The following GLIS3 variants were observed in gnomAD, a reference collection of about 807,000 sequenced individuals.
The protein encoded by GLIS3 is GLIS family zinc finger 3.
GLIS3 carries 53 observed loss-of-function variants against 78.6 expected under a neutral mutation model. The observed-to-expected ratio is 0.67, with a 90% CI of 0.54 to 0.85. GLIS3 has a LOEUF of 0.85. Among genes scored for constraint, GLIS3 ranks in the 40% least tolerant of loss-of-function variants. GLIS3 has a pLI of 0.00. For missense variants in GLIS3, 1,703 were observed against 1,231.1 expected (o/e 1.38, Z -5.74); for synonymous variants, 684 against 509.9 (o/e 1.34, Z -4.60).
At chr9:4,246,868 T>C (rs1229393295) in intron 2 of GLIS3, among the ~76,000 whole-genome samples, 1 of 152,352 alleles carries the variant, frequency 6.6e-6, no homozygotes, top group Admixed American at 6.5e-5. Context: ...TAATGAATAT[T>C]GTCCAATGAG....
Position 4,186,245 on chromosome 9 carries a change from A to G in GLIS3, c.389-60304T>C, listed in dbSNP as rs575491517. Reference sequence around the variant, plus strand: ...TTCTCACCTATGAGTGAGAACATGCAGTGTTTGGCCTTTTGTCCTTGCGAT... The same window carrying G: ...TTCTCACCTATGAGTGAGAACATGCGGTGTTTGGCCTTTTGTCCTTGCGAT... On this transcript the variant is annotated intron_variant, in intron 2 of 10. Transcript: ENST00000381971. Among the ~76,000 whole-genome samples, 16 of 150,224 alleles carry G rather than the reference A, an allele frequency of 1.1e-4. No individual in the cohort carries two copies. In the East Asian group the frequency reaches 2.0e-3, roughly 19 times the overall value.
intron 4 of GLIS3, among the ~76,000 whole-genome samples, chr9:3,984,165 C>A (rs1819537043): frequency 6.6e-6 from 1 of 152,220 alleles, no homozygotes; most frequent in Non-Finnish European, 1.5e-5. Flanking sequence ...CCTAGGGCAC[C>A]ACTTAGCAGA....
At chr9:4,243,036 C>A (rs1000153303) in intron 2 of GLIS3, among the ~76,000 whole-genome samples, 2 of 152,146 alleles carry the variant, frequency 1.3e-5, no homozygotes, top group Non-Finnish European at 2.9e-5. Context: ...TCCAGATATT[C>A]TACCATGATT....
At chr9:3,872,969 CCAAA>C (rs1246336268) in intron 8 of GLIS3, among the ~76,000 whole-genome samples, 1 of 151,800 alleles carries the variant, frequency 6.6e-6, no homozygotes, top group Non-Finnish European at 1.5e-5. Context: ...AAAGAAGCAA[CCAAA>C]CAAAAAGCTG....
chr9:4,258,456 AG>A (rs1461902712), intron 2 of GLIS3, among the ~76,000 whole-genome samples: 3 of 152,212 alleles, frequency 2.0e-5, no homozygotes, highest in African/African-American at 4.8e-5. Context: ...CTGGCCTGCT[AG>A]GAAGTGTTGG....
the GLIS3 span, among the ~76,000 whole-genome samples, chr9:4,383,140 C>A: frequency 1.5e-3 from 230 of 152,332 alleles, no homozygotes; most frequent in African/African-American, 5.2e-3. Flanking sequence ...AAAGCAAGAA[C>A]TGAAACGAGT....
the GLIS3 span, among the ~76,000 whole-genome samples, chr9:4,434,589 T>C: frequency 6.6e-6 from 1 of 152,024 alleles, no homozygotes; most frequent in Non-Finnish European, 1.5e-5. Context: ...GGGTGATAGG[T>C]GGGTGAGTGG....
At chr9:4,166,801 A>G (rs971554135) in intron 2 of GLIS3, among the ~76,000 whole-genome samples, 1 of 152,256 alleles carries the variant, frequency 6.6e-6, no homozygotes, top group Non-Finnish European at 1.5e-5. Context: ...GGACTCAAGA[A>G]TCACCTAAGG....
chr9:3,846,844 C>T (rs139104568), intron 9 of GLIS3, among the ~76,000 whole-genome samples: 1 of 152,234 alleles, frequency 6.6e-6, no homozygotes, highest in Non-Finnish European at 1.5e-5. Context: ...CATCCTATTT[C>T]CTCTGGGAAG....
chr9:3,983,022 C>A (rs962689086), intron 4 of GLIS3, among the ~76,000 whole-genome samples: 3 of 152,206 alleles, frequency 2.0e-5, no homozygotes, highest in African/African-American at 4.8e-5. Context: ...ATTTCCTGCA[C>A]ATGGAGCTTG....
At chr9:4,052,568 T>C (rs553192934) in intron 4 of GLIS3, among the ~76,000 whole-genome samples, 1 of 152,322 alleles carries the variant, frequency 6.6e-6, no homozygotes, top group African/African-American at 2.4e-5. Context: ...GGACATGTCG[T>C]AGAAACTGAA....
At chr9:4,397,539 G>A in the GLIS3 span, among the ~76,000 whole-genome samples, 1 of 151,614 alleles carries the variant, frequency 6.6e-6, no homozygotes, top group Admixed American at 6.6e-5. Context: ...AACCAAGCAA[G>A]GGACTTCAAG....
chr9:4,089,132 T>C, intron 4 of GLIS3, among the ~76,000 whole-genome samples: 1 of 152,242 alleles, frequency 6.6e-6, no homozygotes, highest in East Asian at 1.9e-4. Context: ...GGCCTAGTTT[T>C]TTATGTTTCT....
At position 3,958,013 on chromosome 9, in the gene GLIS3, T is replaced by C. The variant is rs532534192; in HGVS notation, c.1711-20824A>G. Among the ~76,000 whole-genome samples the C allele has an allele frequency of 1.7e-4, 26 of 152,330 alleles. 3 individuals are homozygous for C. The highest frequency in any genetic ancestry group is 6.0e-4 in the African/African-American group (25 of 41,564). On this transcript the variant is annotated intron_variant, in intron 4 of 10. Coordinates refer to ENST00000381971, the MANE Select transcript of GLIS3 (RefSeq NM_001042413.2). ...AAAATGTCACACTCCTAAAGTTCTT[T>C]ATGAAAAGCTAACTGGTAATGGAAA...
intron 2 of GLIS3, among the ~76,000 whole-genome samples, chr9:4,171,090 T>C (rs886126154): frequency 6.6e-6 from 1 of 152,294 alleles, no homozygotes; most frequent in East Asian, 1.9e-4. Context: ...CTTTGATGAG[T>C]ATCACCTGTA....
At chr9:4,458,099 A>C in the GLIS3 span, among the ~76,000 whole-genome samples, 1 of 152,168 alleles carries the variant, frequency 6.6e-6, no homozygotes, top group Non-Finnish European at 1.5e-5. Flanking sequence ...TGGAGACTCA[A>C]GCTCAGCCAG....
rs191851660 is a variant in GLIS3, at chr9:4,228,755, C to A, written c.388+57283G>T. On this transcript the variant is annotated intron_variant, in intron 2 of 10. Coordinates refer to ENST00000381971, the MANE Select transcript of GLIS3 (RefSeq NM_001042413.2). ...AATGATCAAAATGATGATGCTTCCT[C>A]TCTACATACAGCCCAAATACAGAAA... Among the ~76,000 whole-genome samples, 5 of 152,332 alleles carry A rather than the reference C, an allele frequency of 3.3e-5. No homozygotes were observed. In the East Asian group the frequency reaches 9.6e-4, roughly 29 times the overall value.
At chr9:4,196,928 C>T (rs147510723) in intron 2 of GLIS3, among the ~76,000 whole-genome samples, 1 of 152,174 alleles carries the variant, frequency 6.6e-6, no homozygotes, top group Non-Finnish European at 1.5e-5. Flanking sequence ...CAGTAGGGCC[C>T]TCTCCGCTCC....
At chr9:4,001,123 T>C (rs1323869202) in intron 4 of GLIS3, among the ~76,000 whole-genome samples, 1 of 152,190 alleles carries the variant, frequency 6.6e-6, no homozygotes, top group Non-Finnish European at 1.5e-5. Flanking sequence ...CTCAAACAGC[T>C]TGCAATCTAG....
Sources: allele counts gnomAD v4.1 joint callset (sites outside exome capture counted in the v4.1 genomes callset), GRCh38; gene constraint gnomAD v4.1.1; transcripts MANE v1.5; gene names NCBI Gene and HGNC (gene_info 2026-07-23, HGNC 2026-07-21).